The following DLG1 variants were observed in gnomAD, a reference collection of about 807,000 sequenced individuals.
The protein encoded by DLG1 is discs large MAGUK scaffold protein 1.
DLG1 carries 42 observed loss-of-function variants against 123.4 expected under a neutral mutation model. The observed-to-expected ratio is 0.34, with a 90% confidence interval of 0.27 to 0.44. The LOEUF (loss-of-function observed/expected upper bound fraction) is 0.44. DLG1 is among the 20% of genes least tolerant of loss of function. The probability of loss-of-function intolerance (pLI) is 1.00; values close to 1 mark genes in which losing one functional copy is unlikely to be tolerated. For missense variants in DLG1, 942 were observed against 1,082.6 expected (o/e 0.87, Z 1.82); for synonymous variants, 317 against 356.2 (o/e 0.89, Z 1.24).
At chr3:197,296,954 G>GGC in intron 2 of DLG1, 1 of 446,978 alleles carries the variant, frequency 2.2e-6, no homozygotes, top group Non-Finnish European at 3.9e-6. Context: ...GACATCTGTT[G>GGC]GGGGGGGGCT....
chr3:197,150,862 T>A (rs1793519012), intron 5 of DLG1, among the ~76,000 whole-genome samples: 1 of 152,022 alleles, frequency 6.6e-6, no homozygotes, highest in Non-Finnish European at 1.5e-5. Context: ...GGTTAAAAAA[T>A]TAAACAGTAT....
At chr3:197,150,719 AAAT>A (rs1463689798) in intron 5 of DLG1, among the ~76,000 whole-genome samples, 1 of 152,140 alleles carries the variant, frequency 6.6e-6, no homozygotes, top group African/African-American at 2.4e-5. Flanking sequence ...CTGTAACACA[AAAT>A]AACCATTTTC....
At chr3:197,066,991 TATAG>T (rs954739362) in intron 19 of DLG1, among the ~76,000 whole-genome samples, 35 of 152,276 alleles carry the variant, frequency 2.3e-4, no homozygotes, top group Admixed American at 1.8e-3. Context: ...TATTATATTT[TATAG>T]ATAATCAAAT....
chr3:197,136,890 C>A (rs2149607546), intron 9 of DLG1, among the ~76,000 whole-genome samples: 1 of 152,298 alleles, frequency 6.6e-6, no homozygotes, highest in South Asian at 2.1e-4. Context: ...TCCTTTTATC[C>A]CACATGTTCC....
chr3:197,285,928 C>T (rs1201829856), intron 3 of DLG1, among the ~76,000 whole-genome samples: 11 of 152,210 alleles, frequency 7.2e-5, no homozygotes, highest in Admixed American at 2.6e-4. Flanking sequence ...TGCACACAAA[C>T]GCTCACAGTA....
chr3:197,059,948 C>A lies in DLG1; in HGVS notation c.2424G>T (p.Gln808His). ...TGGAGATAGGGTAAAGCTGTGCAATCTGTAATCTCTTTATGGCATTTCCAG... is the reference window on the plus strand; with the variant it reads ...TGGAGATAGGGTAAAGCTGTGCAATATGTAATCTCTTTATGGCATTTCCAG... ...DVSGNAIKRLQIAQLYPISIF... is the reference protein window; with the variant it reads ...DVSGNAIKRLHIAQLYPISIF... The change falls in exon 23 of 25, where the codon CAG (glutamine) becomes CAT (histidine). Residue 808 changes from glutamine to histidine, a missense_variant. Coordinates refer to ENST00000667157, the MANE Select transcript of DLG1 (RefSeq NM_001366207.1). The A allele has an allele frequency of 6.2e-7, 1 of 1,613,836 alleles. No individual in the cohort carries two copies. Among genetic ancestry groups the A allele is most frequent in the Non-Finnish European group, 8.5e-7 (1 of 1,179,898 alleles).
intron 5 of DLG1, among the ~76,000 whole-genome samples, chr3:197,151,243 T>TA (rs1793704644): frequency 6.6e-6 from 1 of 152,188 alleles, no homozygotes; most frequent in Non-Finnish European, 1.5e-5. Flanking sequence ...TATTTAAAGT[T>TA]ACAAAAGAAA....
chr3:197,232,297 C>G (rs911446618), intron 4 of DLG1, among the ~76,000 whole-genome samples: 1 of 147,106 alleles, frequency 6.8e-6, no homozygotes, highest in Non-Finnish European at 1.5e-5. Context: ...CACAGGAGTT[C>G]TGGCTGCAGT....
At chr3:197,124,618 G>A (rs941036642) in intron 11 of DLG1, among the ~76,000 whole-genome samples, 3 of 151,958 alleles carry the variant, frequency 2.0e-5, no homozygotes, top group African/African-American at 7.3e-5. Context: ...AGGCTGGAGT[G>A]CAGTGGCCAG....
intron 14 of DLG1, among the ~76,000 whole-genome samples, chr3:197,096,443 C>G (rs1760695478): frequency 6.6e-6 from 1 of 152,156 alleles, no homozygotes; most frequent in South Asian, 2.1e-4. Context: ...AAGGCATTAC[C>G]CTGCATGGAA....
At chr3:197,167,059 G>C (rs1441410586) in intron 5 of DLG1, among the ~76,000 whole-genome samples, 1 of 152,086 alleles carries the variant, frequency 6.6e-6, no homozygotes, top group African/African-American at 2.4e-5. Context: ...GGACACAGAA[G>C]TTGGCTTGAA....
chr3:197,063,164 G>T (rs1736991522), intron 22 of DLG1, among the ~76,000 whole-genome samples: 1 of 147,958 alleles, frequency 6.8e-6, no homozygotes. Flanking sequence ...ATACAGGCAG[G>T]TTTATTGTAC....
In DLG1 at chr3:197,059,874, G is replaced by C. The variant is rs953041672; in HGVS notation, c.2483+15C>G. 4 of 1,553,516 alleles carry C rather than the reference G, an allele frequency of 2.6e-6. No individual in the cohort carries two copies. Among genetic ancestry groups the C allele is most frequent in the Non-Finnish European group, 3.6e-6 (4 of 1,125,478 alleles). ...ATTTGTACACAGAGGCTATGCCTTA[G>C]GCATTTACACTTACATGATATTTTC... is the stretch of plus-strand genomic sequence containing the variant. On this transcript the variant is annotated intron_variant, in intron 23 of 24. Coordinates refer to ENST00000667157, the MANE Select transcript of DLG1 (RefSeq NM_001366207.1).
chr3:197,085,429 G>C, intron 16 of DLG1, 151 bp downstream of exon 16: 1 of 730,148 alleles, frequency 1.4e-6, no homozygotes, highest in Non-Finnish European at 2.3e-6. Flanking sequence ...ATAAAAATGT[G>C]ATCATACGAT....
At chr3:197,058,876 T>C (rs1021613800) in intron 23 of DLG1, among the ~76,000 whole-genome samples, 1 of 152,248 alleles carries the variant, frequency 6.6e-6, no homozygotes, top group Non-Finnish European at 1.5e-5. Context: ...TGCAAACAAA[T>C]GTACGAACAG....
chr3:197,126,691 TC>T (rs900286349), intron 11 of DLG1, among the ~76,000 whole-genome samples: 12 of 152,220 alleles, frequency 7.9e-5, no homozygotes, highest in Admixed American at 3.3e-4. Context: ...AAGGTTCTTT[TC>T]TTTGACACAA....
At chr3:197,046,683 A>G (rs1298989071) in intron 24 of DLG1, among the ~76,000 whole-genome samples, 1 of 152,168 alleles carries the variant, frequency 6.6e-6, no homozygotes, top group Non-Finnish European at 1.5e-5. Flanking sequence ...CAGCCTGGGC[A>G]ACATGGCGAA....
chr3:197,221,631 A>G lies in DLG1; in HGVS notation c.319-27042T>C, dbSNP rs142319190. Among the ~76,000 whole-genome samples the G allele has an allele frequency of 9.8e-3, 1,490 of 152,276 alleles. 18 individuals are homozygous for G. Among genetic ancestry groups the G allele is most frequent in the South Asian group, 0.024 (115 of 4,824 alleles). ...TTTTACCAACTAGATGTGTGAAGAGAGAGCCTCAGTTGCACTTTTCTGCTT... is the reference window on the plus strand; with the variant it reads ...TTTTACCAACTAGATGTGTGAAGAGGGAGCCTCAGTTGCACTTTTCTGCTT... On this transcript the variant is annotated intron_variant, in intron 4 of 24. Transcript: ENST00000667157.
intron 16 of DLG1, 81 bp downstream of exon 16, chr3:197,085,499 G>A: frequency 7.0e-7 from 1 of 1,436,740 alleles, no homozygotes; most frequent in Non-Finnish European, 9.7e-7. Context: ...GTCCATCCAT[G>A]TTGTCACAAA....
Sources: allele counts gnomAD v4.1 joint callset (sites outside exome capture counted in the v4.1 genomes callset), GRCh38; gene constraint gnomAD v4.1.1; transcripts MANE v1.5; gene names NCBI Gene and HGNC (gene_info 2026-07-23, HGNC 2026-07-21).